TNC: variants seen among roughly 807,000 people sequenced by gnomAD.
TNC encodes the protein tenascin.
TNC carries 109 observed loss-of-function variants against 202.4 expected under a neutral mutation model. The observed-to-expected ratio is 0.54, with a 90% CI of 0.46 to 0.63. The LOEUF is 0.63. TNC is among the 30% of genes least tolerant of loss of function. The probability of loss-of-function intolerance (pLI) is 0.00; values close to 1 mark genes in which losing one functional copy is unlikely to be tolerated. For missense variants in TNC, 2,756 were observed against 2,833.3 expected (o/e 0.97, Z 0.62); for synonymous variants, 1,007 against 1,089.7 (o/e 0.92, Z 1.50).
chr9:115,113,928 G>A (rs1837265400), intron 1 of TNC, among the ~76,000 whole-genome samples: 1 of 152,168 alleles, frequency 6.6e-6, no homozygotes, highest in African/African-American at 2.4e-5. Flanking sequence ...CAAGGTGGAG[G>A]GAAAGGAGTT....
chr9:115,023,752 T>G (rs1484786296), intron 27 of TNC, among the ~76,000 whole-genome samples: 1 of 152,264 alleles, frequency 6.6e-6, no homozygotes, highest in African/African-American at 2.4e-5. Context: ...ATTTGACCAG[T>G]GTTTGTCCTT....
chr9:115,048,974 C>T (rs914763918), intron 15 of TNC, among the ~76,000 whole-genome samples: 2 of 150,488 alleles, frequency 1.3e-5, no homozygotes, highest in African/African-American at 4.9e-5. Flanking sequence ...CGGTATACTT[C>T]ATGTGTTTCT....
chr9:115,055,047 A>G (rs4460459), intron 15 of TNC, among the ~76,000 whole-genome samples: 116,882 of 151,950 alleles, frequency 0.77, 45,319 homozygotes, highest in African/African-American at 0.86. Context: ...TAGAGAGAAA[A>G]AGAGTGTAGA....
intron 1 of TNC, chr9:115,115,194 C>A (rs1296832796): frequency 6.6e-6 from 1 of 152,144 alleles, no homozygotes; most frequent in Non-Finnish European, 1.5e-5. Context: ...TTCATTCTGT[C>A]AGCTTGAATT....
chr9:115,090,694 G>A lies in TNC; in HGVS notation c.325C>T (p.Arg109Trp), dbSNP rs142899177. ...VFTHRINIPRRACGCAAAPDV... is the reference protein window; with the variant it reads ...VFTHRINIPRWACGCAAAPDV... ...GGGGCTGCGGCACAGCCACAGGCCC[G>A]GCGGGGGATGTTGATGCGATGTGTG... is the stretch of plus-strand genomic sequence containing the variant. Residue 109 changes from arginine (R) to tryptophan (W), a missense_variant, in exon 2 of 28, where the codon CGG becomes TGG. Arg to Trp is a moderately radical substitution (Grantham distance 101). Transcript: ENST00000350763. 5.0e-5 allele frequency: 81 copies of A among 1,614,156 alleles called. No homozygotes were observed. Among genetic ancestry groups the A allele is most frequent in the East Asian group, 2.7e-4 (12 of 44,870 alleles).
intron 15 of TNC, among the ~76,000 whole-genome samples, chr9:115,050,395 G>A (rs780947746): frequency 6.6e-6 from 1 of 152,052 alleles, no homozygotes; most frequent in Non-Finnish European, 1.5e-5. Flanking sequence ...CCTGCAAGCC[G>A]CTACAAGCAA....
rs1564410469 is a variant in TNC, at chr9:115,031,630, G to A, written c.5843C>T (p.Ser1948Phe). Residue 1948 changes from serine to phenylalanine, a missense_variant, in exon 23 of 28, where the codon TCC becomes TTC. Physicochemically the swap from Ser to Phe is radical, Grantham distance 155. Coordinates refer to ENST00000350763, the MANE Select transcript of TNC (RefSeq NM_002160.4). The stretch of plus-strand genomic sequence containing the variant: ...CTGGATCTTGGCTGTGTAGTGGGTG[G>A]ATGGGCTCAGGTCTGCCAGGCTGTA... ...TSYSLADLSP[S>F]THYTAKIQAL... 6.2e-7 allele frequency: 1 copy of A among 1,612,800 alleles called. No individual in the cohort carries two copies.
chr9:115,069,502 G>A (rs1024282364), intron 10 of TNC, among the ~76,000 whole-genome samples: 3 of 151,504 alleles, frequency 2.0e-5, no homozygotes, highest in Non-Finnish European at 2.9e-5. Flanking sequence ...GAATGGGAGA[G>A]GAGGAGAGGG....
Position 115,024,071 on chromosome 9 carries a change from T to C in TNC, c.6397A>G (p.Ile2133Val). Residue 2133 changes from isoleucine to valine, a missense_variant, in exon 27 of 28, where the codon ATC becomes GTC. Physicochemically the swap from Ile to Val is conservative, Grantham distance 29. Around this residue, in one of 2 missense-constraint regions of TNC, gnomAD observed 197 missense variants for 287.3 expected, o/e 0.69. Transcript: ENST00000350763. Reference protein sequence around the residue: ...STFDKDTDSAITNCALSYKGA... With the variant: ...STFDKDTDSAVTNCALSYKGA... ...TTGTAGGACAGAGCACAGTTGGTGA[T>C]GGCTGAATCTGTGTCCTTGTCAAAG... 2 of 1,614,142 alleles carry C rather than the reference T, an allele frequency of 1.2e-6. No homozygotes were observed. The highest frequency in any genetic ancestry group is 2.2e-5 in the East Asian group (1 of 44,886).
intron 15 of TNC, chr9:115,052,744 A>G (rs1831794074): frequency 2.8e-6 from 2 of 701,810 alleles, no homozygotes; most frequent in Non-Finnish European, 5.2e-6. Flanking sequence ...GAGTACCTGT[A>G]ATGACAAAGG....
At chr9:115,027,174 C>T (rs1416243487) in intron 25 of TNC, among the ~76,000 whole-genome samples, 1 of 151,440 alleles carries the variant, frequency 6.6e-6, no homozygotes, top group African/African-American at 2.4e-5. Flanking sequence ...CAGTCTTGTG[C>T]TTGCTGGAGT....
intron 1 of TNC, among the ~76,000 whole-genome samples, chr9:115,101,754 T>C (rs889205613): frequency 6.6e-6 from 1 of 152,168 alleles, no homozygotes; most frequent in Non-Finnish European, 1.5e-5. Context: ...TAGAATATCA[T>C]ACACAAGCAA....
In TNC at chr9:115,038,268, G is replaced by C. The variant is rs146574339; in HGVS notation, c.5505C>G (p.Gly1835=). The C allele has an allele frequency of 6.0e-5, 97 of 1,613,798 alleles. No homozygotes were observed. In the African/African-American group the frequency reaches 1.0e-3, roughly 17 times the overall value. The change falls in exon 20 of 28, where the codon GGC becomes GGG. Residue 1835 remains glycine, a synonymous_variant. Transcript: ENST00000350763. ...ACTTGGACAAAACCTTACCTTTCTC[G>C]CCTGTGTAGGAGATGACATAACTGT... ...TVDSYVISYT[G]EKVPEITRTV...
Position 115,026,712 on chromosome 9 carries a change from AG to A in TNC, c.6170-18del. The A allele has an allele frequency of 6.2e-7, 1 of 1,612,638 alleles. No homozygotes were observed. Among genetic ancestry groups the A allele is most frequent in the Non-Finnish European group, 8.5e-7 (1 of 1,179,406 alleles). On this transcript the variant is annotated intron_variant, in intron 25 of 27. Transcript: ENST00000350763. ...TGTCCAGCCCTGTGGATGACAGGCA[AG>A]GGTTGCTAAGAAGCACAGGTGACTG...
At position 115,064,771 on chromosome 9, in the gene TNC, G is replaced by C. The variant is rs376718631; in HGVS notation, c.3363C>G (p.Thr1121=). 8 of 1,614,154 alleles carry C rather than the reference G, an allele frequency of 5.0e-6. No homozygotes were observed. Among genetic ancestry groups the C allele is most frequent in the Non-Finnish European group, 6.8e-6 (8 of 1,180,014 alleles). ...ANKVEAARNL[T]VPGSLRAVDI... The stretch of plus-strand genomic sequence containing the variant: ...CCACAGCCCGAAGGCTGCCAGGCAC[G>C]GTGAGGTTCCGAGCTGCCTCCACCT... The change falls in exon 11 of 28, where the codon ACC becomes ACG. Residue 1121 remains threonine, a synonymous_variant. Transcript: ENST00000350763.
Position 115,020,678 on chromosome 9 carries a change from TA to T in TNC, c.*478del. On this transcript the variant is annotated 3_prime_UTR_variant, in exon 28 of 28. Transcript: ENST00000350763. ...ATATTAATAATATTAATCATATCCTTAAAATGGAAACAGTATTGCTTTTCTG... is the reference window on the plus strand; with the variant it reads ...ATATTAATAATATTAATCATATCCTTAAATGGAAACAGTATTGCTTTTCTG... 2.9e-6 allele frequency: 1 copy of T among 344,056 alleles called. No individual in the cohort carries two copies. The highest frequency in any genetic ancestry group is 5.7e-6 in the Non-Finnish European group (1 of 175,350). The allele number at this position is 344,056 out of a possible 1,614,324, so 21.3% of individuals were successfully genotyped here.
At chr9:115,025,319 G>A (rs1305549248) in intron 26 of TNC, among the ~76,000 whole-genome samples, 2 of 152,124 alleles carry the variant, frequency 1.3e-5, no homozygotes, top group East Asian at 3.9e-4. Flanking sequence ...TTGCCCCTGG[G>A]TGTCTCTCTT....
At position 115,031,453 on chromosome 9, in the gene TNC, G is replaced by A. The variant is rs367584840; in HGVS notation, c.5920+100C>T. On this transcript the variant is annotated intron_variant, in intron 23 of 27. Coordinates refer to ENST00000350763, the MANE Select transcript of TNC (RefSeq NM_002160.4). ...AGCAGTGAATCGATTCTTTTCAGAG[G>A]TTTGTTTGAAAATTTTAAAGTAGAA... 5.5e-5 allele frequency: 72 copies of A among 1,302,010 alleles called. No individual in the cohort carries two copies. The African/African-American group carries it at 9.3e-4, about 17-fold the overall frequency. The allele number at this position is 1,302,010 out of a possible 1,614,324, so 80.7% of individuals were successfully genotyped here. A position where few individuals can be genotyped will look rare whatever the true frequency, so the allele number is the denominator to read the frequency against.
chr9:115,054,835 G>A (rs928765309), intron 15 of TNC, among the ~76,000 whole-genome samples: 4 of 152,194 alleles, frequency 2.6e-5, no homozygotes, highest in African/African-American at 7.2e-5. Context: ...ATGATGGCTT[G>A]AAAGAAGAGC....
Sources: gnomAD v4.1 joint callset for allele counts (sites outside exome capture counted in the v4.1 genomes callset) on GRCh38, gnomAD v4.1.1 for gene constraint, gnomAD v4.1.1 regional missense constraint, MANE v1.5 for transcripts, NCBI Gene and HGNC (gene_info 2026-07-23, HGNC 2026-07-21) for gene names.